Variants in PCDH15 observed in about 807,000 individuals in gnomAD.
PCDH15 encodes the protein protocadherin-15.
Under a neutral mutation model 178.5 loss-of-function variants are expected in PCDH15, and 129 were observed. That is an observed-to-expected ratio of 0.72 (90% CI 0.63 to 0.84). PCDH15 has a LOEUF of 0.84. Ranked by LOEUF, PCDH15 falls within the 40% of genes least tolerant of loss-of-function variation. The pLI is 0.00. For synonymous variants in PCDH15, 800 were observed against 732.0 expected (o/e 1.09, Z -1.50); for missense variants, 2,230 against 2,099.9 (o/e 1.06, Z -1.21).
At chr10:54,809,412 A>T (rs1952828442) in intron 3 of PCDH15, among the ~76,000 whole-genome samples, 1 of 151,882 alleles carries the variant, frequency 6.6e-6, no homozygotes, top group African/African-American at 2.4e-5. Flanking sequence ...CCGGCAAAAA[A>T]TGAGACCGTT....
At chr10:54,532,185 T>C (rs1359928698) in intron 2 of PCDH15, among the ~76,000 whole-genome samples, 1 of 152,196 alleles carries the variant, frequency 6.6e-6, no homozygotes, top group Non-Finnish European at 1.5e-5. Context: ...GTGATCTTTA[T>C]AATTAAAACC....
chr10:55,538,480 C>T (rs1363053018), intron 2 of PCDH15, among the ~76,000 whole-genome samples: 616 of 97,992 alleles, frequency 6.3e-3, no homozygotes, highest in African/African-American at 0.023. Flanking sequence ...CTCCCTTCCT[C>T]CCTTCCTTCC....
In PCDH15 at chr10:53,822,965, T is replaced by C. The variant is rs2076400191; in HGVS notation, c.4368-2735A>G. 6.2e-7 allele frequency: 1 copy of C among 1,614,120 alleles called. No individual in the cohort carries two copies. The highest frequency in any genetic ancestry group is 1.3e-5 in the African/African-American group (1 of 75,050). ...CTATGATCTCTGGTCTATTTGGAAC[T>C]TTCCTCATCAGCCTCCTGGGTAAGC... On this transcript the variant is annotated intron_variant, in intron 32 of 37. Coordinates refer to ENST00000644397, the MANE Select transcript of PCDH15 (RefSeq NM_001384140.1).
At chr10:54,247,702 A>G (rs1252574229) in intron 8 of PCDH15, among the ~76,000 whole-genome samples, 1 of 151,800 alleles carries the variant, frequency 6.6e-6, no homozygotes, top group African/African-American at 2.4e-5. Context: ...GTGAACTCCT[A>G]TGTCCTACAA....
At chr10:54,205,077 G>A (rs910839199) in intron 10 of PCDH15, among the ~76,000 whole-genome samples, 4 of 151,950 alleles carry the variant, frequency 2.6e-5, no homozygotes, top group East Asian at 3.9e-4. Flanking sequence ...TTTAGCATCC[G>A]AAAATCACAT....
At chr10:55,557,917 G>T (rs1001839393) in intron 2 of PCDH15, among the ~76,000 whole-genome samples, 5 of 152,094 alleles carry the variant, frequency 3.3e-5, no homozygotes, top group African/African-American at 1.2e-4. Context: ...GAGCATTGGG[G>T]AAAACCTATT....
At chr10:55,476,837 T>C (rs1006021627) in intron 2 of PCDH15, among the ~76,000 whole-genome samples, 2 of 152,008 alleles carry the variant, frequency 1.3e-5, no homozygotes, top group Non-Finnish European at 2.9e-5. Context: ...CTCAAAGAAA[T>C]AGATTCTGTA....
chr10:55,199,489 A>G (rs1180493672), intron 1 of PCDH15, among the ~76,000 whole-genome samples: 1 of 152,086 alleles, frequency 6.6e-6, no homozygotes, highest in African/African-American at 2.4e-5. Context: ...GAATGAGATC[A>G]TAAAAGTTTG....
intron 1 of PCDH15, among the ~76,000 whole-genome samples, chr10:54,684,001 T>A (rs1359224401): frequency 1.3e-5 from 2 of 152,050 alleles, no homozygotes; most frequent in African/African-American, 2.4e-5. Context: ...ACTAAGAAGA[T>A]TATCATTTAT....
chr10:55,401,809 C>T (rs182063170), intron 2 of PCDH15, among the ~76,000 whole-genome samples: 1 of 152,102 alleles, frequency 6.6e-6, no homozygotes, highest in African/African-American at 2.4e-5. Context: ...GGCCATCAAT[C>T]TTGCTTGTAT....
At chr10:54,688,672 C>A (rs2095059931) in intron 1 of PCDH15, among the ~76,000 whole-genome samples, 1 of 152,094 alleles carries the variant, frequency 6.6e-6, no homozygotes, top group African/African-American at 2.4e-5. Flanking sequence ...TTTCTAGTTA[C>A]CAGTGATTCA....
chr10:54,937,490 T>A (rs570870738), intron 2 of PCDH15, among the ~76,000 whole-genome samples: 2 of 152,130 alleles, frequency 1.3e-5, no homozygotes, highest in Non-Finnish European at 2.9e-5. Flanking sequence ...TTTAATTTTT[T>A]AAAATAATGT....
At chr10:54,171,209 T>A (rs987430915) in intron 13 of PCDH15, among the ~76,000 whole-genome samples, 2 of 152,048 alleles carry the variant, frequency 1.3e-5, no homozygotes, top group African/African-American at 4.8e-5. Flanking sequence ...TTCAGGCTCT[T>A]AATATTCAGT....
intron 14 of PCDH15, among the ~76,000 whole-genome samples, chr10:54,139,817 C>T (rs111763358): frequency 1.1e-4 from 17 of 151,176 alleles, no homozygotes; most frequent in Middle Eastern, 3.4e-3. Context: ...GTTATAGATA[C>T]GAAAATATAT....
At chr10:54,223,251 G>A (rs2053051464) in intron 9 of PCDH15, among the ~76,000 whole-genome samples, 1 of 147,880 alleles carries the variant, frequency 6.8e-6, no homozygotes, top group Admixed American at 6.8e-5. Flanking sequence ...TGGAGGTTGT[G>A]GTGAGCCGAG....
rs2153822 is a variant in PCDH15, at chr10:54,346,133, T to C, written c.594+232A>G. On this transcript the variant is annotated intron_variant, in intron 6 of 37. Transcript: ENST00000644397. ...TAACAGAAATTTAGTAAATGAGGCA[T>C]ATTATACCTATGAATATATTTTAAA... 0.26 allele frequency among the ~76,000 whole-genome samples: 38,907 copies of C among 152,050 alleles called. 5,487 individuals carry two copies. Among genetic ancestry groups the C allele is most frequent in the African/African-American group, 0.38 (15,872 of 41,430 alleles).
chr10:54,576,773 A>C (rs1406398999), intron 2 of PCDH15, among the ~76,000 whole-genome samples: 1 of 152,176 alleles, frequency 6.6e-6, no homozygotes, highest in Non-Finnish European at 1.5e-5. Context: ...GTAATACATC[A>C]GATTATTTGC....
intron 18 of PCDH15, among the ~76,000 whole-genome samples, chr10:54,049,311 T>C (rs2093717841): frequency 6.6e-6 from 1 of 152,148 alleles, no homozygotes; most frequent in Non-Finnish European, 1.5e-5. Context: ...ATAATTTCAG[T>C]GAGGAGAGAT....
At chr10:54,817,373 T>G (rs540068513) in intron 3 of PCDH15, among the ~76,000 whole-genome samples, 2 of 152,122 alleles carry the variant, frequency 1.3e-5, no homozygotes, top group East Asian at 3.9e-4. Context: ...AAGTTAATTT[T>G]CTATTATCAC....
Sources: gnomAD v4.1 joint callset for allele counts (sites outside exome capture counted in the v4.1 genomes callset) on GRCh38, gnomAD v4.1.1 for gene constraint, MANE v1.5 for transcripts, NCBI Gene and HGNC (gene_info 2026-07-23, HGNC 2026-07-21) for gene names.